The following MBD5 variants were observed in gnomAD, a reference collection of about 807,000 sequenced individuals.
The protein encoded by MBD5 is methyl-CpG-binding domain protein 5.
In MBD5, 13 loss-of-function variants were observed where a neutral mutation model predicts 117.3. That is an observed-to-expected ratio of 0.11 (90% CI 0.07 to 0.18). The LOEUF (loss-of-function observed/expected upper bound fraction) is 0.18, where lower values mean the gene tolerates loss of function less well. Among genes scored for constraint, MBD5 ranks in the 10% least tolerant of loss-of-function variants. The pLI, the probability that MBD5 is intolerant of heterozygous loss-of-function variation, is 1.00. For missense variants in MBD5, 1,879 were observed against 2,093.8 expected (o/e 0.90, Z 2.00); for synonymous variants, 727 against 766.4 (o/e 0.95, Z 0.85).
intron 4 of MBD5, among the ~76,000 whole-genome samples, chr2:148,450,421 A>T (rs1247087844): frequency 6.6e-6 from 1 of 152,136 alleles, no homozygotes; most frequent in Non-Finnish European, 1.5e-5. Flanking sequence ...GCTATTTGAA[A>T]TAATATTTTT....
At chr2:148,051,604 AGTGTGTGTGTGTGTGTGT>A (rs59584574) in intron 1 of MBD5, among the ~76,000 whole-genome samples, 20 of 139,220 alleles carry the variant, frequency 1.4e-4, no homozygotes, top group South Asian at 7.2e-4. Context: ...CTGTTTGTTG[AGTGTGTGTGTGTGTGTGT>A]GTGTGTGTGT....
chr2:148,034,576 G>A (rs756689199), intron 1 of MBD5, among the ~76,000 whole-genome samples: 10 of 152,000 alleles, frequency 6.6e-5, no homozygotes, highest in South Asian at 2.1e-4. Context: ...AGTACTTTGC[G>A]CCACTCATTG....
intron 2 of MBD5, among the ~76,000 whole-genome samples, chr2:148,231,077 C>G (rs1041985064): frequency 6.6e-6 from 1 of 152,172 alleles, no homozygotes; most frequent in Non-Finnish European, 1.5e-5. Flanking sequence ...ACATACCCCC[C>G]TCCTCCAGTC....
At chr2:148,396,116 C>G (rs1704706826) in intron 4 of MBD5, among the ~76,000 whole-genome samples, 1 of 152,090 alleles carries the variant, frequency 6.6e-6, no homozygotes, top group African/African-American at 2.4e-5. Context: ...ACTTTTTATC[C>G]CATTAAAACT....
At chr2:148,045,659 CTG>C (rs1276388629) in intron 1 of MBD5, among the ~76,000 whole-genome samples, 1 of 152,150 alleles carries the variant, frequency 6.6e-6, no homozygotes, top group Admixed American at 6.5e-5. Context: ...GTGCTTATAA[CTG>C]GTAAATAAAC....
chr2:148,161,356 G>A (rs1698003055), intron 1 of MBD5, among the ~76,000 whole-genome samples: 1 of 152,198 alleles, frequency 6.6e-6, no homozygotes, highest in African/African-American at 2.4e-5. Context: ...TTATGGGGAT[G>A]CTGGGATCTG....
chr2:148,225,214 T>C (rs1438486545), intron 2 of MBD5, among the ~76,000 whole-genome samples: 2 of 152,202 alleles, frequency 1.3e-5, no homozygotes, highest in Non-Finnish European at 2.9e-5. Flanking sequence ...ATTAGTTGTA[T>C]GTTTTTTTGG....
At chr2:148,315,013 T>C (rs566185202) in intron 3 of MBD5, among the ~76,000 whole-genome samples, 74 of 152,316 alleles carry the variant, frequency 4.9e-4, no homozygotes, top group African/African-American at 1.6e-3. Context: ...TTATCTTTTT[T>C]TCCTTCTTTT....
chr2:148,145,975 G>C (rs772888234), intron 1 of MBD5, among the ~76,000 whole-genome samples: 1 of 152,130 alleles, frequency 6.6e-6, no homozygotes, highest in Non-Finnish European at 1.5e-5. Flanking sequence ...AAATGAGTTA[G>C]GGCGGATTCT....
intron 3 of MBD5, among the ~76,000 whole-genome samples, chr2:148,259,090 C>T (rs557271395): frequency 1.3e-5 from 2 of 152,282 alleles, no homozygotes; most frequent in African/African-American, 2.4e-5. Flanking sequence ...ACCCATCTCC[C>T]GGATGACTTG....
rs1216572972 is a variant in MBD5, at chr2:148,515,846, A to G, written c.*2905A>G. 1 of 152,242 alleles carries G rather than the reference A, an allele frequency of 6.6e-6. No individual in the cohort carries two copies. Among genetic ancestry groups the G allele is most frequent in the East Asian group, 1.9e-4 (1 of 5,208 alleles). 9.4% of individuals were successfully genotyped at this position (152,242 alleles called of 1,614,324 possible). The stretch of plus-strand genomic sequence containing the variant: ...TTTTAAAAATTATTTCAAATGAGTG[A>G]AAATTAACTGAGCAGCTTTTGTGTG... On this transcript the variant is annotated 3_prime_UTR_variant, in exon 14 of 14. Transcript: ENST00000642680.
intron 4 of MBD5, among the ~76,000 whole-genome samples, chr2:148,397,637 ATATTTTATT>A (rs1478828420): frequency 6.6e-6 from 1 of 151,360 alleles, no homozygotes; most frequent in Non-Finnish European, 1.5e-5. Context: ...CCTGATCCTT[ATATTTTATT>A]TATTTTATTT....
chr2:148,261,615 C>G (rs114845220), intron 3 of MBD5, among the ~76,000 whole-genome samples: 1,957 of 152,296 alleles, frequency 0.013, 36 homozygotes, highest in African/African-American at 0.044. Context: ...ACCACTAAAA[C>G]TGTTTATCAG....
At chr2:148,164,573 A>C (rs1440729111) in intron 1 of MBD5, among the ~76,000 whole-genome samples, 1 of 152,204 alleles carries the variant, frequency 6.6e-6, no homozygotes, top group African/African-American at 2.4e-5. Flanking sequence ...AAGTATAAGA[A>C]AAAATTTAAA....
chr2:148,324,355 T>G (rs985316880), intron 3 of MBD5, among the ~76,000 whole-genome samples: 11 of 152,186 alleles, frequency 7.2e-5, no homozygotes, highest in African/African-American at 2.2e-4. Context: ...TTAAAGTAGT[T>G]TTTTCCAATT....
intron 4 of MBD5, among the ~76,000 whole-genome samples, chr2:148,445,426 G>A (rs1329953709): frequency 6.6e-6 from 1 of 150,882 alleles, no homozygotes; most frequent in African/African-American, 2.5e-5. Flanking sequence ...TGAGAATGAT[G>A]GTTTCCAGCT....
rs538594979 is a variant in MBD5, at chr2:148,349,103, A to G, written c.-557+6767A>G. Among the ~76,000 whole-genome samples, 4 of 152,040 alleles carry G rather than the reference A, an allele frequency of 2.6e-5. No homozygotes were observed. In the South Asian group the frequency reaches 8.3e-4, roughly 32 times the overall value. The stretch of plus-strand genomic sequence containing the variant: ...AATCATGAGATTTTATGTTTTATCA[A>G]GGAAAATAGAAGAATAGATTTCAAA... On this transcript the variant is annotated intron_variant, in intron 4 of 13. Transcript: ENST00000642680.
chr2:148,486,616 C>T (rs1365655183), intron 10 of MBD5, among the ~76,000 whole-genome samples: 3 of 151,910 alleles, frequency 2.0e-5, no homozygotes, highest in East Asian at 3.8e-4. Flanking sequence ...ACACCTACAA[C>T]ATAAAAAGAG....
chr2:148,325,064 C>A (rs866489708), intron 3 of MBD5, among the ~76,000 whole-genome samples: 13 of 151,998 alleles, frequency 8.6e-5, no homozygotes, highest in African/African-American at 1.7e-4. Context: ...AATTTTGTCA[C>A]AGGCCTTTTC....
Sources: allele counts gnomAD v4.1 joint callset (sites outside exome capture counted in the v4.1 genomes callset), GRCh38; gene constraint gnomAD v4.1.1; transcripts MANE v1.5; gene names NCBI Gene and HGNC (gene_info 2026-07-23, HGNC 2026-07-21).